CAMK2B: variants seen among roughly 807,000 people sequenced by gnomAD.
The protein encoded by CAMK2B is calcium/calmodulin dependent protein kinase II beta, also known as calcium/calmodulin-dependent protein kinase type II subunit beta.
Under a neutral mutation model 93.7 loss-of-function variants are expected in CAMK2B, and 27 were observed. That is an observed-to-expected ratio of 0.29 (90% confidence interval 0.21 to 0.40). The LOEUF is 0.40. CAMK2B is among the 10% of genes least tolerant of loss of function. The pLI is 1.00. For missense variants in CAMK2B, 568 were observed against 895.8 expected (o/e 0.63, Z 4.67); for synonymous variants, 374 against 358.8 (o/e 1.04, Z -0.48).
At chr7:44,301,743 C>T (rs533034943) in intron 1 of CAMK2B, among the ~76,000 whole-genome samples, 8 of 151,746 alleles carry the variant, frequency 5.3e-5, no homozygotes, top group African/African-American at 1.9e-4. Flanking sequence ...CGCCACTGCA[C>T]TCCAGCCTGG....
In CAMK2B at chr7:44,225,792, T is replaced by C. The variant is rs2128881932; in HGVS notation, c.1597+724A>G. On this transcript the variant is annotated intron_variant, in intron 20 of 23. Transcript: ENST00000395749. This position sits in a 1 kb window ranked among gnomAD's most constrained non-coding sequence, Gnocchi z 5.0. Reference sequence around the variant, plus strand: ...CCACTGCCCTGCCATGCCGAGCCCGTGGCCCAGCAGCCTCTTCTCTAAGAG... The same window carrying C: ...CCACTGCCCTGCCATGCCGAGCCCGCGGCCCAGCAGCCTCTTCTCTAAGAG... The C allele has an allele frequency of 7.0e-6, 9 of 1,289,490 alleles. No homozygotes were observed. The highest frequency in any genetic ancestry group is 7.1e-6 in the Non-Finnish European group (7 of 988,804). 79.9% of individuals were successfully genotyped at this position (1,289,490 alleles called of 1,614,324 possible). A position where few individuals can be genotyped will look rare whatever the true frequency, so the allele number is the denominator to read the frequency against.
intron 1 of CAMK2B, among the ~76,000 whole-genome samples, chr7:44,323,328 C>A (rs1335267748): frequency 6.6e-6 from 1 of 152,212 alleles, no homozygotes; most frequent in Non-Finnish European, 1.5e-5. Context: ...GCTCCCAGTG[C>A]TTTCGCTCAG....
chr7:44,277,641 G>A (rs2097060177), intron 2 of CAMK2B, among the ~76,000 whole-genome samples: 1 of 152,216 alleles, frequency 6.6e-6, no homozygotes, highest in African/African-American at 2.4e-5. Context: ...CCAAATCAGG[G>A]GTGAAATGCA....
chr7:44,296,157 C>T (rs1788260745), intron 1 of CAMK2B, among the ~76,000 whole-genome samples: 1 of 152,174 alleles, frequency 6.6e-6, no homozygotes, highest in African/African-American at 2.4e-5. Context: ...CTTTTGGGAA[C>T]TATCAAACTG....
chr7:44,229,636 TG>T, intron 17 of CAMK2B, 135 bp from the exon 18 acceptor site: 1 of 191,686 alleles, frequency 5.2e-6, no homozygotes, highest in South Asian at 5.5e-5. Context: ...GGGGTGGAGG[TG>T]GGGTGGCCAC....
Position 44,220,128 on chromosome 7 carries a change from G to T in CAMK2B, c.1935C>A (p.Arg645=). 1 of 1,612,054 alleles carries T rather than the reference G, an allele frequency of 6.2e-7. No individual in the cohort carries two copies. Among genetic ancestry groups the T allele is most frequent in the East Asian group, 2.2e-5 (1 of 44,858 alleles). The part of the protein sequence containing the change: ...SQSEETRVWH[R]RDGKWQNVHF... ...GCACGTTCTGCCACTTGCCGTCGCG[G>T]CGGTGCCACACGCGGGTCTCCTCAG... Residue 645 remains arginine (R), a synonymous_variant, in exon 23 of 24, where the codon CGC becomes CGA. Coordinates refer to ENST00000395749, the MANE Select transcript of CAMK2B (RefSeq NM_001220.5).
chr7:44,255,562 C>T (rs2096826951), intron 4 of CAMK2B, among the ~76,000 whole-genome samples: 1 of 152,194 alleles, frequency 6.6e-6, no homozygotes, highest in Admixed American at 6.5e-5. Flanking sequence ...CCAAGCCCCT[C>T]CTCTGCCTCC....
intron 5 of CAMK2B, among the ~76,000 whole-genome samples, chr7:44,251,421 G>A (rs1430435829): frequency 1.3e-5 from 2 of 152,224 alleles, no homozygotes; most frequent in African/African-American, 2.4e-5. Context: ...CGTGGCCCCA[G>A]GCAGGGCACG....
intron 2 of CAMK2B, among the ~76,000 whole-genome samples, chr7:44,267,647 G>C (rs2096932040): frequency 6.6e-6 from 1 of 152,072 alleles, no homozygotes; most frequent in Non-Finnish European, 1.5e-5. Flanking sequence ...GCTCCCCAAG[G>C]GGGTGGCTAA....
chr7:44,306,133 G>A (rs1458143662), intron 1 of CAMK2B, among the ~76,000 whole-genome samples: 1 of 151,930 alleles, frequency 6.6e-6, no homozygotes, highest in Non-Finnish European at 1.5e-5. Flanking sequence ...CCATGGGAGT[G>A]AGAGAGGAGA....
chr7:44,312,977 C>G lies in CAMK2B; in HGVS notation c.65+12380G>C, dbSNP rs374747315. ...AGTGGGCCCAGGACAGCTGGGTCCCCAGCTCTGTCGAAGGAGGAGTACAGG... is the reference window on the plus strand; with the variant it reads ...AGTGGGCCCAGGACAGCTGGGTCCCGAGCTCTGTCGAAGGAGGAGTACAGG... On this transcript the variant is annotated intron_variant, in intron 1 of 23. Transcript: ENST00000395749. The surrounding 1 kb of genome is among the most constrained non-coding windows in gnomAD (Gnocchi z 4.1). Among the ~76,000 whole-genome samples, 2 of 152,062 alleles carry G rather than the reference C, an allele frequency of 1.3e-5. No homozygotes were observed. The highest frequency in any genetic ancestry group is 4.8e-5 in the African/African-American group (2 of 41,396).
At chr7:44,267,725 A>G (rs1446301170) in intron 2 of CAMK2B, among the ~76,000 whole-genome samples, 2 of 152,212 alleles carry the variant, frequency 1.3e-5, no homozygotes, top group African/African-American at 4.8e-5. Flanking sequence ...GATCAAATAC[A>G]GCATTCATTT....
Position 44,324,207 on chromosome 7 carries a change from T to C in CAMK2B, c.65+1150A>G, listed in dbSNP as rs554069434. ...ACCACAAGGTTTCACCAGACACTTATTTAGTAAAGGAAAAAAAGGATCTGT... is the reference window on the plus strand; with the variant it reads ...ACCACAAGGTTTCACCAGACACTTACTTAGTAAAGGAAAAAAAGGATCTGT... On this transcript the variant is annotated intron_variant, in intron 1 of 23. Coordinates refer to ENST00000395749, the MANE Select transcript of CAMK2B (RefSeq NM_001220.5). Among the ~76,000 whole-genome samples the C allele has an allele frequency of 4.6e-5, 7 of 152,306 alleles. No homozygotes were observed. In the East Asian group the frequency reaches 5.8e-4, roughly 13 times the overall value.
intron 4 of CAMK2B, among the ~76,000 whole-genome samples, chr7:44,256,065 C>G (rs570271973): frequency 6.6e-6 from 1 of 152,172 alleles, no homozygotes; most frequent in Admixed American, 6.5e-5. Context: ...TCTGTGTCCC[C>G]GACCAGCACC....
intron 1 of CAMK2B, among the ~76,000 whole-genome samples, chr7:44,316,053 T>C (rs2116387316): frequency 6.6e-6 from 1 of 152,326 alleles, no homozygotes; most frequent in East Asian, 1.9e-4. Flanking sequence ...CTATCTCTTT[T>C]TCTTGCCTAA....
At chr7:44,292,951 ACAG>A (rs2129145410) in intron 1 of CAMK2B, among the ~76,000 whole-genome samples, 1 of 152,364 alleles carries the variant, frequency 6.6e-6, no homozygotes, top group East Asian at 1.9e-4. Context: ...GCTCCAGCCC[ACAG>A]CAGCAGCCAC....
chr7:44,265,311 CA>C (rs2096913484), intron 2 of CAMK2B, among the ~76,000 whole-genome samples: 1 of 152,180 alleles, frequency 6.6e-6, no homozygotes, highest in Non-Finnish European at 1.5e-5. Context: ...AAATCGAATG[CA>C]GATATGACAC....
At chr7:44,314,844 A>C (rs186004674) in intron 1 of CAMK2B, among the ~76,000 whole-genome samples, 152 of 152,340 alleles carry the variant, frequency 1.0e-3, no homozygotes, top group Admixed American at 1.7e-3. Flanking sequence ...ATGATGCCAA[A>C]ATCTTTTCAT....
chr7:44,309,682 C>T (rs1792952406), intron 1 of CAMK2B, among the ~76,000 whole-genome samples: 1 of 152,110 alleles, frequency 6.6e-6, no homozygotes, highest in Non-Finnish European at 1.5e-5. Context: ...ACAGCCTCCT[C>T]GCCCGGGCAG....
Sources: allele counts gnomAD v4.1 joint callset (sites outside exome capture counted in the v4.1 genomes callset), GRCh38; gene constraint gnomAD v4.1.1; non-coding constraint Gnocchi (gnomAD v3.1); transcripts MANE v1.5; gene names NCBI Gene and HGNC (gene_info 2026-07-23, HGNC 2026-07-21).